The following FBLN1 variants were observed in gnomAD, a reference collection of about 807,000 sequenced individuals.
The protein encoded by FBLN1 is fibulin-1.
In FBLN1, 34 loss-of-function variants were observed where a neutral mutation model predicts 89.7. That is an observed-to-expected ratio of 0.38 (90% CI 0.29 to 0.50). The LOEUF is 0.50. Among genes scored for constraint, FBLN1 ranks in the 20% least tolerant of loss-of-function variants. FBLN1 has a pLI of 0.92. For synonymous variants in FBLN1, 393 were observed against 391.3 expected (o/e 1.00, Z -0.05); for missense variants, 777 against 988.1 (o/e 0.79, Z 2.86).
At chr22:45,542,936 T>C (rs1275189886) in intron 10 of FBLN1, among the ~76,000 whole-genome samples, 1 of 152,250 alleles carries the variant, frequency 6.6e-6, no homozygotes, top group Non-Finnish European at 1.5e-5. Context: ...ACTTCCCGCA[T>C]GCTCGGGACA....
chr22:45,560,714 A>G (rs907611349), intron 14 of FBLN1, among the ~76,000 whole-genome samples: 2 of 152,192 alleles, frequency 1.3e-5, no homozygotes, highest in African/African-American at 2.4e-5. Context: ...TCTCCAGATT[A>G]GTTTCTATAA....
intron 1 of FBLN1, among the ~76,000 whole-genome samples, chr22:45,506,835 C>T (rs978230325): frequency 2.0e-5 from 3 of 152,234 alleles, no homozygotes; most frequent in African/African-American, 7.2e-5. Context: ...GCACTGGGCA[C>T]CTGGTCAGGG....
chr22:45,547,105 A>C lies in FBLN1; in HGVS notation c.1342A>C (p.Ser448Arg). The part of the protein sequence containing the change: ...SCEDINECSS[S>R]PCSQECANVY... ...TTCAGACATCAATGAGTGCAGCAGC[A>C]GCCCCTGTAGCCAGGAGTGTGCCAA... The change falls in exon 12 of 17, where the codon AGC becomes CGC. Residue 448 changes from serine (S) to arginine (R), a missense_variant. By Grantham distance (110) the Ser-to-Arg change is moderately radical. Transcript: ENST00000327858. 1 of 1,614,150 alleles carries C rather than the reference A, an allele frequency of 6.2e-7. No individual in the cohort carries two copies. Among genetic ancestry groups the C allele is most frequent in the Non-Finnish European group, 8.5e-7 (1 of 1,180,024 alleles).
chr22:45,558,048 C>T, intron 14 of FBLN1: 2 of 716,138 alleles, frequency 2.8e-6, no homozygotes, highest in Non-Finnish European at 5.2e-6. Flanking sequence ...GAACCAGGCC[C>T]TAGTCTTCTC....
At chr22:45,591,786 C>T (rs1428117648) in intron 16 of FBLN1, among the ~76,000 whole-genome samples, 3 of 93,564 alleles carry the variant, frequency 3.2e-5, no homozygotes, top group Admixed American at 9.3e-5. Context: ...AAGTGTCCTG[C>T]GCGCCATTTT....
rs2088997178 is a variant in FBLN1 at position 45,576,358 on chromosome 22, A to T, written c.1841-619A>T. Among the ~76,000 whole-genome samples the T allele has an allele frequency of 6.6e-6, 1 of 151,964 alleles. No individual in the cohort carries two copies. Among genetic ancestry groups the T allele is most frequent in the Non-Finnish European group, 1.5e-5 (1 of 67,964 alleles). ...ACCTGTTAGCATCTTGGGCCCAGGAAATCCACACCCTGACCTTAAGTGCTG... is the reference window on the plus strand; with the variant it reads ...ACCTGTTAGCATCTTGGGCCCAGGATATCCACACCCTGACCTTAAGTGCTG... On this transcript the variant is annotated intron_variant, in intron 15 of 16. Transcript: ENST00000327858. The surrounding 1 kb of genome is among the most constrained non-coding windows in gnomAD (Gnocchi z 5.2).
rs2088922959 is a variant in FBLN1, at chr22:45,568,638, TCTTCTGTGGGAGAATGCTC to T, written c.1698-5865_1698-5847del. On this transcript the variant is annotated intron_variant, in intron 14 of 16. Transcript: ENST00000327858. ...AATGCTCCTCCTGTAAGGGAATGCC[TCTTCTGTGGGAGAATGCTC>T]CTTCTGTAGGGGAATGCCTCTTCTG... is the stretch of plus-strand genomic sequence containing the variant. 1.0e-4 allele frequency among the ~76,000 whole-genome samples: 9 copies of T among 90,012 alleles called. 2 individuals carry two copies. The highest frequency in any genetic ancestry group is 4.0e-4 in the African/African-American group (6 of 14,876). The allele number at this position is 90,012 out of a possible 152,430, so 59.1% of individuals were successfully genotyped here. A position where few individuals can be genotyped will look rare whatever the true frequency, so the allele number is the denominator to read the frequency against.
chr22:45,548,492 C>G (rs1027964145), intron 12 of FBLN1, 121 bp from the exon 13 acceptor site: 2 of 1,353,246 alleles, frequency 1.5e-6, no homozygotes, highest in African/African-American at 2.9e-5. Context: ...TTCCTGTGTT[C>G]AGCTTGTCCT....
intron 1 of FBLN1, among the ~76,000 whole-genome samples, chr22:45,504,972 C>T (rs1034933622): frequency 1.3e-5 from 2 of 152,224 alleles, no homozygotes; most frequent in Non-Finnish European, 2.9e-5. Context: ...TGTGAGGCCC[C>T]CGAAGCCCTG....
intron 1 of FBLN1, among the ~76,000 whole-genome samples, chr22:45,510,965 G>A (rs1298799325): frequency 6.6e-6 from 1 of 152,198 alleles, no homozygotes; most frequent in African/African-American, 2.4e-5. Flanking sequence ...GAGAGGTGGT[G>A]GATGTGGTGG....
At chr22:45,599,151 G>A (rs1183214602) in intron 16 of FBLN1, among the ~76,000 whole-genome samples, 1 of 152,184 alleles carries the variant, frequency 6.6e-6, no homozygotes, top group Non-Finnish European at 1.5e-5. Context: ...TGCCGTGGCT[G>A]AGCTTTGTCT....
intron 2 of FBLN1, among the ~76,000 whole-genome samples, chr22:45,519,497 G>A (rs1419614772): frequency 2.0e-5 from 3 of 151,750 alleles, no homozygotes; most frequent in East Asian, 1.9e-4. Flanking sequence ...GGTGGCATGC[G>A]CCTGTAATCC....
rs145201823 is a variant in FBLN1 at position 45,580,754 on chromosome 22, C to T, written c.1972+3646C>T. 5.5e-4 allele frequency among the ~76,000 whole-genome samples: 84 copies of T among 152,174 alleles called. No individual in the cohort carries two copies. The highest frequency in any genetic ancestry group is 9.7e-4 in the East Asian group (5 of 5,160). On this transcript the variant is annotated intron_variant, in intron 16 of 16. Transcript: ENST00000327858. This position sits in a 1 kb window ranked among gnomAD's most constrained non-coding sequence, Gnocchi z 8.6. ...AGAAAAACAATCAGCGCACAGGCCC[C>T]GGGGCTCGCCGTGTTCAGTCCTCCC... is the stretch of plus-strand genomic sequence containing the variant.
chr22:45,578,684 GCCGCCCC>G lies in FBLN1; in HGVS notation c.1972+1584_1972+1590del, dbSNP rs1157527319. 6.6e-6 allele frequency among the ~76,000 whole-genome samples: 1 copy of G among 152,238 alleles called. No homozygotes were observed. The highest frequency in any genetic ancestry group is 1.5e-5 in the Non-Finnish European group (1 of 68,032). ...GTATGCACCCTGACACTGGCCCACA[GCCGCCCC>G]CCGCCCCAAAGGGGCCAGCCCTGTG... On this transcript the variant is annotated intron_variant, in intron 16 of 16. Transcript: ENST00000327858. The surrounding 1 kb of genome is among the most constrained non-coding windows in gnomAD (Gnocchi z 4.6).
At chr22:45,568,951 C>T (rs1452547585) in intron 14 of FBLN1, among the ~76,000 whole-genome samples, 1 of 152,228 alleles carries the variant, frequency 6.6e-6, no homozygotes, top group Non-Finnish European at 1.5e-5. Context: ...CAATCTCTGC[C>T]TTTGTCATCA....
At position 45,577,259 on chromosome 22, in the gene FBLN1, C is replaced by T. The variant is rs1029925267; in HGVS notation, c.1972+151C>T. ...CCCAGCGCCGAGGCCACCACAGCTC[C>T]CAATCGGTCTCGGCCGGAGGAACAG... On this transcript the variant is annotated intron_variant, in intron 16 of 16. Coordinates refer to ENST00000327858, the MANE Select transcript of FBLN1 (RefSeq NM_006486.3). This position sits in a 1 kb window ranked among gnomAD's most constrained non-coding sequence, Gnocchi z 6.6. 1 of 896,890 alleles carries T rather than the reference C, an allele frequency of 1.1e-6. No homozygotes were observed. Among genetic ancestry groups the T allele is most frequent in the Non-Finnish European group, 1.8e-6 (1 of 565,320 alleles). 55.6% of individuals were successfully genotyped at this position (896,890 alleles called of 1,614,324 possible).
intron 14 of FBLN1, among the ~76,000 whole-genome samples, chr22:45,573,381 A>G (rs1217697196): frequency 6.6e-6 from 1 of 150,908 alleles, no homozygotes; most frequent in Non-Finnish European, 1.5e-5. Context: ...AAAACTATGA[A>G]GAAACCCAAG....
chr22:45,601,077 T>A lies in FBLN1; in HGVS notation c.*631T>A, dbSNP rs1458843816. 2.5e-5 allele frequency: 4 copies of A among 158,526 alleles called. No homozygotes were observed. The highest frequency in any genetic ancestry group is 5.6e-5 in the Non-Finnish European group (4 of 72,054). The allele number at this position is 158,526 out of a possible 1,614,324, so 9.8% of individuals were successfully genotyped here. On this transcript the variant is annotated 3_prime_UTR_variant, in exon 17 of 17. Transcript: ENST00000327858. ...GGGAATGGCTGGGATTTCTCGGCAC[T>A]CTGCATCATCCATCTTTTCTTATAG... is the stretch of plus-strand genomic sequence containing the variant.
rs1426677694 is a variant in FBLN1 at position 45,575,999 on chromosome 22, C to T, written c.1841-978C>T. Among the ~76,000 whole-genome samples, 7 of 151,998 alleles carry T rather than the reference C, an allele frequency of 4.6e-5. No homozygotes were observed. In the South Asian group the frequency reaches 6.2e-4, roughly 14 times the overall value. On this transcript the variant is annotated intron_variant, in intron 15 of 16. Coordinates refer to ENST00000327858, the MANE Select transcript of FBLN1 (RefSeq NM_006486.3). This position sits in a 1 kb window ranked among gnomAD's most constrained non-coding sequence, Gnocchi z 6.3. Reference sequence around the variant, plus strand: ...AGGGGAGGCATGCAACGGAGCCAGCCGCGAGGACACCAGTGTTTACACCAT... The same window carrying T: ...AGGGGAGGCATGCAACGGAGCCAGCTGCGAGGACACCAGTGTTTACACCAT...
Sources: allele counts gnomAD v4.1 joint callset (sites outside exome capture counted in the v4.1 genomes callset), GRCh38; gene constraint gnomAD v4.1.1; non-coding constraint Gnocchi (gnomAD v3.1); transcripts MANE v1.5; gene names NCBI Gene and HGNC (gene_info 2026-07-23, HGNC 2026-07-21).